VWA3B: variants seen among roughly 807,000 people sequenced by gnomAD.
VWA3B encodes von Willebrand factor A domain containing 3B.
VWA3B carries 138 observed loss-of-function variants against 158.3 expected under a neutral mutation model. The ratio of observed to expected loss-of-function variants is 0.87; its 90% CI spans 0.76 to 1.00. The LOEUF (loss-of-function observed/expected upper bound fraction) is 1.00, where lower values mean the gene tolerates loss of function less well. VWA3B is among the 50% of genes least tolerant of loss of function. VWA3B has a pLI of 0.00. For missense variants in VWA3B, 1,555 were observed against 1,565.1 expected (o/e 0.99, Z 0.11); for synonymous variants, 596 against 587.3 (o/e 1.01, Z -0.21).
intron 19 of VWA3B, among the ~76,000 whole-genome samples, chr2:98,242,560 A>T (rs941463312): frequency 4.0e-5 from 6 of 151,588 alleles, no homozygotes; most frequent in African/African-American, 1.5e-4. Context: ...CGTTATCATA[A>T]TGTCTTTTAC....
intron 7 of VWA3B, among the ~76,000 whole-genome samples, chr2:98,154,935 A>G (rs538050735): frequency 6.6e-6 from 1 of 152,306 alleles, no homozygotes; most frequent in East Asian, 1.9e-4. Context: ...CCTCTCTTCA[A>G]GGGACCTGTG....
intron 21 of VWA3B, chr2:98,269,583 T>C (rs1382017653): frequency 1.3e-5 from 2 of 152,128 alleles, no homozygotes; most frequent in Admixed American, 6.5e-5. Context: ...GGAGCCAGGA[T>C]TGGGGAGCTT....
intron 14 of VWA3B, among the ~76,000 whole-genome samples, chr2:98,220,831 G>A (rs1335603353): frequency 1.3e-5 from 2 of 152,196 alleles, no homozygotes; most frequent in Non-Finnish European, 2.9e-5. Context: ...GGACATGGAT[G>A]AAGCTGGAAG....
chr2:98,148,712 C>CT (rs1677367444), intron 7 of VWA3B, among the ~76,000 whole-genome samples: 1 of 152,148 alleles, frequency 6.6e-6, no homozygotes, highest in Non-Finnish European at 1.5e-5. Context: ...TAACAACTGC[C>CT]TTCACACCAC....
rs1553633938 is a variant in VWA3B at position 98,092,816 on chromosome 2, G to GTATGTA, written c.-32-242_-32-241insGTATAT. 2.1e-3 allele frequency among the ~76,000 whole-genome samples: 108 copies of GTATGTA among 51,486 alleles called. 1 individual carries two copies. The highest frequency in any genetic ancestry group is 3.5e-3 in the East Asian group (4 of 1,150). The allele number at this position is 51,486 out of a possible 152,430, so 33.8% of individuals were successfully genotyped here. On this transcript the variant is annotated intron_variant, in intron 1 of 27. Transcript: ENST00000477737. The stretch of plus-strand genomic sequence containing the variant: ...ACGGAATATCTTTCTAGATGTTTTT[G>GTATGTA]TATATATATATATATATATATATAT...
chr2:98,098,201 T>C (rs1349975052), intron 2 of VWA3B, among the ~76,000 whole-genome samples: 1 of 152,128 alleles, frequency 6.6e-6, no homozygotes, highest in African/African-American at 2.4e-5. Context: ...TCTGCATCTG[T>C]TGGGTAGAAT....
At chr2:98,326,158 CATAG>C in the VWA3B span, among the ~76,000 whole-genome samples, 1 of 151,950 alleles carries the variant, frequency 6.6e-6, no homozygotes, top group Admixed American at 6.5e-5. Flanking sequence ...AAACAAACAA[CATAG>C]ATAAACCTCT....
intron 20 of VWA3B, among the ~76,000 whole-genome samples, chr2:98,254,647 C>T (rs1050483950): frequency 6.6e-6 from 1 of 152,212 alleles, no homozygotes; most frequent in Non-Finnish European, 1.5e-5. Flanking sequence ...AATTTATGTG[C>T]TGTGTACACA....
At chr2:98,317,423 G>A, downstream of VWA3B, among the ~76,000 whole-genome samples, 1 of 152,174 alleles carries the variant, frequency 6.6e-6, no homozygotes, top group Non-Finnish European at 1.5e-5. Context: ...GGGGAAGTGG[G>A]GGTCGGAGGT....
chr2:98,191,781 C>T (rs752712116), intron 10 of VWA3B, among the ~76,000 whole-genome samples: 1 of 152,154 alleles, frequency 6.6e-6, no homozygotes, highest in South Asian at 2.1e-4. Context: ...TCGAGGACAC[C>T]CTTCTGCAGA....
chr2:98,249,139 A>C (rs1422543889), intron 19 of VWA3B, among the ~76,000 whole-genome samples: 1 of 152,018 alleles, frequency 6.6e-6, no homozygotes, highest in Non-Finnish European at 1.5e-5. Flanking sequence ...ATAGCTTGGC[A>C]TTTTCCTGTT....
intron 7 of VWA3B, among the ~76,000 whole-genome samples, chr2:98,137,627 T>G: frequency 6.6e-6 from 1 of 152,162 alleles, no homozygotes; most frequent in East Asian, 1.9e-4. Flanking sequence ...TGTTTCTAGG[T>G]TATTAAGTTT....
chr2:98,169,925 C>T (rs1679438281), intron 8 of VWA3B, among the ~76,000 whole-genome samples: 1 of 151,948 alleles, frequency 6.6e-6, no homozygotes, highest in Non-Finnish European at 1.5e-5. Flanking sequence ...TTGAGACCAT[C>T]CTGGGCGACA....
intron 12 of VWA3B, 116 bp downstream of exon 12, chr2:98,194,608 C>T: frequency 6.8e-6 from 9 of 1,318,294 alleles, no homozygotes; most frequent in Non-Finnish European, 9.4e-6. Context: ...ATGGAAGTGG[C>T]TTAACATGTA....
At chr2:98,184,707 G>A (rs1419081159) in intron 9 of VWA3B, among the ~76,000 whole-genome samples, 1 of 152,234 alleles carries the variant, frequency 6.6e-6, no homozygotes, top group East Asian at 1.9e-4. Flanking sequence ...GCTTACCGGG[G>A]CTCCTCTCTG....
chr2:98,203,681 A>T (rs1441405003), intron 12 of VWA3B, among the ~76,000 whole-genome samples: 2 of 152,220 alleles, frequency 1.3e-5, no homozygotes, highest in East Asian at 3.8e-4. Context: ...TTTTTGGAGC[A>T]ATTGTAAGTG....
chr2:98,099,984 C>T (rs1665123183), intron 2 of VWA3B, among the ~76,000 whole-genome samples: 2 of 152,026 alleles, frequency 1.3e-5, no homozygotes, highest in African/African-American at 2.4e-5. Context: ...AATTGTTTCT[C>T]TGTATTTTCT....
intron 7 of VWA3B, among the ~76,000 whole-genome samples, chr2:98,147,187 G>A (rs1464247336): frequency 6.6e-6 from 1 of 152,112 alleles, no homozygotes; most frequent in African/African-American, 2.4e-5. Context: ...ATCTCCTGAT[G>A]TAATTAATTA....
At chr2:98,150,904 G>A (rs1165405012) in intron 7 of VWA3B, among the ~76,000 whole-genome samples, 1 of 152,126 alleles carries the variant, frequency 6.6e-6, no homozygotes, top group Non-Finnish European at 1.5e-5. Flanking sequence ...GCCTTCTGAA[G>A]CTTCTCACCT....
Sources: allele counts gnomAD v4.1 joint callset (sites outside exome capture counted in the v4.1 genomes callset), GRCh38; gene constraint gnomAD v4.1.1; transcripts MANE v1.5; gene names NCBI Gene and HGNC (gene_info 2026-07-23, HGNC 2026-07-21).